Variants in SNTB1 observed in about 807,000 individuals in gnomAD.
SNTB1 encodes the protein beta-1-syntrophin.
SNTB1 carries 36 observed loss-of-function variants against 48.9 expected under a neutral mutation model. The observed-to-expected ratio is 0.74, with a 90% CI of 0.56 to 0.97. SNTB1 has a LOEUF of 0.97. Among genes scored for constraint, SNTB1 ranks in the 50% least tolerant of loss-of-function variants. The pLI is 0.00. For synonymous variants in SNTB1, 299 were observed against 294.6 expected, an observed-to-expected ratio of 1.01 and a Z score of -0.15; for missense variants, 786 against 703.4, an observed-to-expected ratio of 1.12 and a Z score of -1.33.
At chr8:120,718,024 C>G (rs1201808615) in intron 1 of SNTB1, among the ~76,000 whole-genome samples, 2 of 152,196 alleles carry the variant, frequency 1.3e-5, no homozygotes, top group African/African-American at 4.8e-5. Flanking sequence ...GGGCTGTGCT[C>G]TGGTATTTTG....
chr8:120,770,688 C>T (rs186503120), intron 1 of SNTB1, among the ~76,000 whole-genome samples: 55 of 152,180 alleles, frequency 3.6e-4, no homozygotes, highest in African/African-American at 1.1e-3. Flanking sequence ...TGGCAGGCGC[C>T]GGTAATCCTA....
At chr8:120,796,126 C>T (rs1366031165) in intron 1 of SNTB1, among the ~76,000 whole-genome samples, 1 of 151,916 alleles carries the variant, frequency 6.6e-6, no homozygotes, top group Non-Finnish European at 1.5e-5. Context: ...GAGGTCATTT[C>T]AAAGTGTGTA....
chr8:120,710,829 T>C (rs1264029296), intron 1 of SNTB1, among the ~76,000 whole-genome samples: 1 of 152,144 alleles, frequency 6.6e-6, no homozygotes, highest in African/African-American at 2.4e-5. Context: ...TCTTTATAAA[T>C]TACCCAGGCT....
At chr8:120,702,351 T>C (rs1341794167) in intron 1 of SNTB1, among the ~76,000 whole-genome samples, 2 of 152,176 alleles carry the variant, frequency 1.3e-5, no homozygotes, top group African/African-American at 4.8e-5. Context: ...CCTGACCTAA[T>C]CTTAGCTGAC....
chr8:120,724,288 A>G (rs917540561), intron 1 of SNTB1, among the ~76,000 whole-genome samples: 3 of 152,236 alleles, frequency 2.0e-5, no homozygotes, highest in African/African-American at 7.2e-5. Context: ...CCATGGGCCC[A>G]GGCCTGCCTG....
At chr8:120,564,716 G>T (rs894282012) in intron 4 of SNTB1, among the ~76,000 whole-genome samples, 1 of 151,784 alleles carries the variant, frequency 6.6e-6, no homozygotes, top group African/African-American at 2.4e-5. Context: ...TTACAGGTGT[G>T]AGCCTCCATG....
chr8:120,811,404 G>A lies in SNTB1; in HGVS notation c.440C>T (p.Ala147Val), dbSNP rs748799055. The change falls in exon 1 of 7, where the codon GCG (alanine) becomes GTG (valine). Residue 147 changes from alanine to valine, a missense_variant. Ala to Val is a moderately conservative substitution (Grantham distance 64, BLOSUM62 0). Coordinates refer to ENST00000517992, the MANE Select transcript of SNTB1 (RefSeq NM_021021.4). ...ILISKIFKGLAADQTQALYVG... is the reference protein window; with the variant it reads ...ILISKIFKGLVADQTQALYVG... ...GTACAGGGCTTGGGTCTGGTCCGCCGCCAGCCCCTTGAAGATCTTGCTGAT... is the reference window on the plus strand; with the variant it reads ...GTACAGGGCTTGGGTCTGGTCCGCCACCAGCCCCTTGAAGATCTTGCTGAT... 6.2e-6 allele frequency: 10 copies of A among 1,614,000 alleles called. No homozygotes were observed. The East Asian group carries it at 2.2e-4, about 36-fold the overall frequency.
chr8:120,668,097 A>G (rs1817702987), intron 2 of SNTB1, among the ~76,000 whole-genome samples: 1 of 152,172 alleles, frequency 6.6e-6, no homozygotes, highest in Non-Finnish European at 1.5e-5. Context: ...TTCTCTGTGT[A>G]GTTCTCTCCT....
At chr8:120,808,777 A>G (rs910680303) in intron 1 of SNTB1, among the ~76,000 whole-genome samples, 3 of 152,024 alleles carry the variant, frequency 2.0e-5, no homozygotes, top group African/African-American at 4.8e-5. Context: ...CCACTTGTAG[A>G]GGTAGTAACT....
At chr8:120,686,665 CTTAAAG>C (rs1403516791) in intron 2 of SNTB1, among the ~76,000 whole-genome samples, 3 of 152,094 alleles carry the variant, frequency 2.0e-5, no homozygotes, top group Admixed American at 1.3e-4. Flanking sequence ...GGATAATTTA[CTTAAAG>C]TTAAAGGGAA....
intron 1 of SNTB1, among the ~76,000 whole-genome samples, chr8:120,699,629 A>T (rs1818271621): frequency 3.9e-5 from 6 of 152,170 alleles, no homozygotes; most frequent in Admixed American, 3.9e-4. Context: ...TCTTTCCTTT[A>T]TAAATTACCC....
intron 1 of SNTB1, among the ~76,000 whole-genome samples, chr8:120,766,881 T>C (rs917383677): frequency 6.6e-6 from 1 of 152,242 alleles, no homozygotes; most frequent in Non-Finnish European, 1.5e-5. Context: ...TCTCTTCCAC[T>C]ATTTCTTTTC....
chr8:120,804,756 T>C (rs1305590638), intron 1 of SNTB1, among the ~76,000 whole-genome samples: 5 of 152,176 alleles, frequency 3.3e-5, no homozygotes, highest in Non-Finnish European at 4.4e-5. Context: ...TTACTTTTTT[T>C]TCCCCACTCT....
At chr8:120,719,842 G>A (rs561526085) in intron 1 of SNTB1, among the ~76,000 whole-genome samples, 1 of 152,174 alleles carries the variant, frequency 6.6e-6, no homozygotes, top group Non-Finnish European at 1.5e-5. Flanking sequence ...GCTCACATCA[G>A]TCCTCATGCC....
chr8:120,608,996 G>A (rs13254959), intron 3 of SNTB1, among the ~76,000 whole-genome samples: 70,169 of 152,002 alleles, frequency 0.46, 18,767 homozygotes, highest in Non-Finnish European at 0.63. Flanking sequence ...TGTTAAGATA[G>A]GAGTGCAGTA....
At position 120,711,779 on chromosome 8, in the gene SNTB1, A is replaced by G. The variant is rs1490144432; in HGVS notation, c.572-17871T>C. On this transcript the variant is annotated intron_variant, in intron 1 of 6. Coordinates refer to ENST00000517992, the MANE Select transcript of SNTB1 (RefSeq NM_021021.4). ...CATAATAAAGTACTTGTAGTCTAAC[A>G]TGCTATCAATTATAACAGGAGCAGA... Among the ~76,000 whole-genome samples, 18 of 152,298 alleles carry G rather than the reference A, an allele frequency of 1.2e-4. No individual in the cohort carries two copies. In the East Asian group the frequency reaches 1.5e-3, roughly 13 times the overall value.
At chr8:120,568,927 T>C (rs1025398511) in intron 4 of SNTB1, among the ~76,000 whole-genome samples, 13 of 152,224 alleles carry the variant, frequency 8.5e-5, no homozygotes, top group African/African-American at 3.1e-4. Context: ...CTGGGTCTGC[T>C]TTATGGTTGC....
intron 2 of SNTB1, among the ~76,000 whole-genome samples, chr8:120,685,104 G>A (rs59526603): frequency 0.12 from 17,642 of 152,218 alleles, 2,176 homozygotes; most frequent in African/African-American, 0.31. Flanking sequence ...CAGTTCTTAT[G>A]GGTTGAAGTT....
chr8:120,582,126 G>A (rs1343443659), intron 3 of SNTB1, among the ~76,000 whole-genome samples: 1 of 152,130 alleles, frequency 6.6e-6, no homozygotes, highest in Non-Finnish European at 1.5e-5. Flanking sequence ...AAGATAGACA[G>A]TACTCTGGGC....
Sources: allele counts gnomAD v4.1 joint callset (sites outside exome capture counted in the v4.1 genomes callset), GRCh38; gene constraint gnomAD v4.1.1; transcripts MANE v1.5; gene names NCBI Gene and HGNC (gene_info 2026-07-23, HGNC 2026-07-21).